The following CCDC172 variants were observed in gnomAD, a reference collection of about 807,000 sequenced individuals.
The protein encoded by CCDC172 is coiled-coil domain containing 172.
In CCDC172, 30 loss-of-function variants were observed where a neutral mutation model predicts 38.0. The ratio of observed to expected loss-of-function variants is 0.79; its 90% CI spans 0.59 to 1.07. The LOEUF (loss-of-function observed/expected upper bound fraction) is 1.07, where lower values mean the gene tolerates loss of function less well. CCDC172 is among the 50% of genes least tolerant of loss of function. The pLI, the probability that CCDC172 is intolerant of heterozygous loss-of-function variation, is 0.00. For synonymous variants in CCDC172, 78 were observed against 88.3 expected (o/e 0.88, Z 0.66); for missense variants, 297 against 290.1 (o/e 1.02, Z -0.17).
intron 5 of CCDC172, among the ~76,000 whole-genome samples, chr10:116,357,022 C>T (rs538947969): frequency 1.2e-4 from 18 of 152,164 alleles, no homozygotes; most frequent in Non-Finnish European, 2.1e-4. Context: ...CATGAGAAAA[C>T]GTTAATAATT....
chr10:116,333,721 G>A (rs1253338924), intron 3 of CCDC172, among the ~76,000 whole-genome samples: 1 of 152,166 alleles, frequency 6.6e-6, no homozygotes, highest in African/African-American at 2.4e-5. Context: ...TCCCTAATCA[G>A]ATTACTGTCT....
intron 7 of CCDC172, among the ~76,000 whole-genome samples, chr10:116,359,308 T>C (rs10885916): frequency 0.1 from 15,227 of 152,168 alleles, 1,360 homozygotes; most frequent in East Asian, 0.34. Context: ...CAAAATTAAG[T>C]TGATGTTGTT....
At chr10:116,360,008 AATG>A (rs1845044111) in intron 7 of CCDC172, among the ~76,000 whole-genome samples, 1 of 152,202 alleles carries the variant, frequency 6.6e-6, no homozygotes, top group Non-Finnish European at 1.5e-5. Context: ...TCACATTCAG[AATG>A]ATAATAGTCT....
At chr10:116,335,759 T>C (rs577453905) in intron 3 of CCDC172, among the ~76,000 whole-genome samples, 1 of 152,294 alleles carries the variant, frequency 6.6e-6, no homozygotes, top group South Asian at 2.1e-4. Context: ...CATGCTTTTT[T>C]CTGTTTTTGT....
chr10:116,331,550 T>C (rs1844663605), intron 3 of CCDC172, among the ~76,000 whole-genome samples: 1 of 152,150 alleles, frequency 6.6e-6, no homozygotes, highest in Non-Finnish European at 1.5e-5. Flanking sequence ...TGAATAATAG[T>C]AGGTATTAAA....
intron 3 of CCDC172, among the ~76,000 whole-genome samples, chr10:116,335,363 C>G (rs1844715297): frequency 6.6e-6 from 1 of 151,196 alleles, no homozygotes; most frequent in South Asian, 2.1e-4. Context: ...TACTATTAAT[C>G]TATTTGTTTT....
chr10:116,352,975 C>T (rs919614929), intron 5 of CCDC172, among the ~76,000 whole-genome samples: 2 of 151,866 alleles, frequency 1.3e-5, no homozygotes, highest in Non-Finnish European at 2.9e-5. Context: ...GGGTGGATCA[C>T]GAGGTCAGGA....
Position 116,342,200 on chromosome 10 carries a change from TG to T in CCDC172, c.448+1del, listed in dbSNP as rs1291475696. On this transcript the variant is annotated frameshift_variant and splice_region_variant, in exon 5 of 9. Coordinates refer to ENST00000333254, the MANE Select transcript of CCDC172 (RefSeq NM_198515.3). LOFTEE classifies it high-confidence loss of function. Reference sequence around the variant, plus strand: ...AAAACCAAGCAAACATGTTGAAAAGTGGTATGAATAAATATCACCTCATTTG... The same window carrying T: ...AAAACCAAGCAAACATGTTGAAAAGTGTATGAATAAATATCACCTCATTTG... ...LENQANMLKS[E>X]MKSMEHDSSQ... 1 of 1,523,556 alleles carries T rather than the reference TG, an allele frequency of 6.6e-7. No homozygotes were observed. The highest frequency in any genetic ancestry group is 2.6e-5 in the East Asian group (1 of 37,938). The allele number at this position is 1,523,556 out of a possible 1,614,324, so 94.4% of individuals were successfully genotyped here. A position where few individuals can be genotyped will look rare whatever the true frequency, so the allele number is the denominator to read the frequency against.
rs888312797 is a variant in CCDC172, at chr10:116,378,470, T to A, written c.701T>A (p.Val234Asp). The change falls in exon 8 of 9, where the codon GTT (valine) becomes GAT (aspartate). Residue 234 changes from valine (V) to aspartate (D), a missense_variant. By Grantham distance (152) the Val-to-Asp change is radical. Coordinates refer to ENST00000333254, the MANE Select transcript of CCDC172 (RefSeq NM_198515.3). The stretch of plus-strand genomic sequence containing the variant: ...TATAAGGAAGATGACATGGAAAGTG[T>A]TTATGAAGCTCTCCAAACAGAAATA... Reference protein sequence around the residue: ...ELYKEDDMESVYEALQTEIEF... With the variant: ...ELYKEDDMESDYEALQTEIEF... 1.2e-6 allele frequency: 2 copies of A among 1,604,366 alleles called. No homozygotes were observed. The highest frequency in any genetic ancestry group is 2.7e-5 in the African/African-American group (2 of 74,400).
At chr10:116,375,733 C>T (rs1468921822) in intron 7 of CCDC172, among the ~76,000 whole-genome samples, 1 of 152,146 alleles carries the variant, frequency 6.6e-6, no homozygotes, top group East Asian at 1.9e-4. Context: ...TGAACAGACA[C>T]TTCTCAAAAG....
At chr10:116,358,936 T>C (rs1360734270) in intron 7 of CCDC172, among the ~76,000 whole-genome samples, 1 of 152,162 alleles carries the variant, frequency 6.6e-6, no homozygotes, top group Non-Finnish European at 1.5e-5. Context: ...AAAAATGTGC[T>C]CTGGGTTAAA....
chr10:116,361,481 A>T (rs1845063845), intron 7 of CCDC172, among the ~76,000 whole-genome samples: 1 of 152,194 alleles, frequency 6.6e-6, no homozygotes, highest in South Asian at 2.1e-4. Context: ...ATGCAATAGG[A>T]AGATTGTTTT....
intron 3 of CCDC172, among the ~76,000 whole-genome samples, 161 bp downstream of exon 3, chr10:116,325,549 C>G (rs1338820254): frequency 6.6e-6 from 1 of 152,154 alleles, no homozygotes; most frequent in Admixed American, 6.5e-5. Context: ...GTTTAAAGTT[C>G]TGAATCCCGT....
chr10:116,343,061 C>T (rs1320789320), intron 5 of CCDC172, among the ~76,000 whole-genome samples: 1 of 152,062 alleles, frequency 6.6e-6, no homozygotes, highest in African/African-American at 2.4e-5. Flanking sequence ...TTATTGCAAT[C>T]TTTGATAAGA....
chr10:116,361,310 G>A (rs1191404673), intron 7 of CCDC172, among the ~76,000 whole-genome samples: 1 of 151,982 alleles, frequency 6.6e-6, no homozygotes, highest in Non-Finnish European at 1.5e-5. Flanking sequence ...TACCCAACAC[G>A]AGGTTTACCA....
intron 5 of CCDC172, among the ~76,000 whole-genome samples, chr10:116,345,651 A>C (rs1565715934): frequency 6.6e-6 from 1 of 152,218 alleles, no homozygotes; most frequent in East Asian, 1.9e-4. Context: ...AAAGGGAAAA[A>C]AGTTGAACTT....
At chr10:116,365,702 A>C (rs1012275440) in intron 7 of CCDC172, among the ~76,000 whole-genome samples, 2 of 152,182 alleles carry the variant, frequency 1.3e-5, no homozygotes, top group Non-Finnish European at 2.9e-5. Context: ...AACACAGTGA[A>C]CTTCCATATA....
intron 5 of CCDC172, among the ~76,000 whole-genome samples, chr10:116,353,960 G>C (rs1400897236): frequency 1.3e-5 from 2 of 152,138 alleles, no homozygotes; most frequent in Non-Finnish European, 2.9e-5. Context: ...ATTAAACCTA[G>C]AGTTACCATA....
At chr10:116,366,526 A>G (rs1444898826) in intron 7 of CCDC172, among the ~76,000 whole-genome samples, 2 of 152,152 alleles carry the variant, frequency 1.3e-5, no homozygotes, top group African/African-American at 4.8e-5. Context: ...ATTTTATTCA[A>G]TGTTTTTTCT....
Sources: gnomAD v4.1 joint callset for allele counts (sites outside exome capture counted in the v4.1 genomes callset) on GRCh38, gnomAD v4.1.1 for gene constraint, MANE v1.5 for transcripts, NCBI Gene and HGNC (gene_info 2026-07-23, HGNC 2026-07-21) for gene names.